The following FBXO4 variants were observed in gnomAD, a reference collection of about 807,000 sequenced individuals.
The protein encoded by FBXO4 is F-box protein 4.
A neutral mutation model predicts 43.7 loss-of-function variants in FBXO4; 36 were observed. The ratio of observed to expected loss-of-function variants is 0.82; its 90% CI spans 0.63 to 1.09. The LOEUF (loss-of-function observed/expected upper bound fraction) is 1.09. Ranked by LOEUF, FBXO4 falls within the 50% of genes least tolerant of loss-of-function variation. The pLI, the probability that FBXO4 is intolerant of heterozygous loss-of-function variation, is 0.00. For missense variants in FBXO4, 435 were observed against 474.1 expected (o/e 0.92, Z 0.77); for synonymous variants, 180 against 165.6 (o/e 1.09, Z -0.67).
chr5:41,990,975 TTCTA>T, the FBXO4 span, among the ~76,000 whole-genome samples: 1 of 152,224 alleles, frequency 6.6e-6, no homozygotes, highest in Non-Finnish European at 1.5e-5. Flanking sequence ...ATGAACTTTA[TTCTA>T]CCACATCTTA....
the FBXO4 span, among the ~76,000 whole-genome samples, chr5:41,959,755 AT>A: frequency 3.2e-3 from 493 of 152,234 alleles, 4 homozygotes; most frequent in African/African-American, 0.011. Context: ...GGCTGTTTTA[AT>A]TACTATAATT....
At chr5:41,972,712 G>A in the FBXO4 span, among the ~76,000 whole-genome samples, 5 of 152,056 alleles carry the variant, frequency 3.3e-5, no homozygotes, top group Non-Finnish European at 7.4e-5. Context: ...GTATGGTACT[G>A]GTAAGAAAAT....
the FBXO4 span, among the ~76,000 whole-genome samples, chr5:42,033,910 G>A: frequency 2.0e-5 from 3 of 152,122 alleles, no homozygotes; most frequent in Non-Finnish European, 2.9e-5. Context: ...GGTGTTTCTG[G>A]TTCTAGATCC....
At chr5:41,965,576 T>A in the FBXO4 span, among the ~76,000 whole-genome samples, 1 of 152,140 alleles carries the variant, frequency 6.6e-6, no homozygotes, top group African/African-American at 2.4e-5. Flanking sequence ...ATGCTCATCA[T>A]CACTGGACAT....
the FBXO4 span, among the ~76,000 whole-genome samples, chr5:42,030,405 T>G: frequency 1.3e-5 from 2 of 152,014 alleles, no homozygotes; most frequent in Non-Finnish European, 2.9e-5. Context: ...GCTAGCCATA[T>G]GTAGAAAGCT....
the FBXO4 span, among the ~76,000 whole-genome samples, chr5:41,959,421 T>C: frequency 6.6e-6 from 1 of 150,764 alleles, no homozygotes; most frequent in Non-Finnish European, 1.5e-5. Context: ...ATCTTCTTGT[T>C]GCCTGTGCTT....
the FBXO4 span, among the ~76,000 whole-genome samples, chr5:42,008,888 A>G: frequency 1.5e-4 from 23 of 152,280 alleles, 1 homozygote; most frequent in Middle Eastern, 6.8e-3. Context: ...GTCTTAGGCC[A>G]GGCAAGGGGT....
chr5:42,005,325 T>A, the FBXO4 span, among the ~76,000 whole-genome samples: 4 of 152,184 alleles, frequency 2.6e-5, no homozygotes, highest in Admixed American at 6.6e-5. Flanking sequence ...GTGATGGCTA[T>A]ACGTGCACAG....
intron 1 of FBXO4, among the ~76,000 whole-genome samples, chr5:41,926,566 G>C (rs1751508456): frequency 6.6e-6 from 1 of 152,160 alleles, no homozygotes; most frequent in Non-Finnish European, 1.5e-5. Flanking sequence ...GAGCGAGACT[G>C]TGTCTCAAAA....
At chr5:41,969,673 T>A in the FBXO4 span, among the ~76,000 whole-genome samples, 2 of 152,212 alleles carry the variant, frequency 1.3e-5, no homozygotes, top group Non-Finnish European at 2.9e-5. Context: ...TGTGTGTGGA[T>A]GTATTTAGGA....
At chr5:41,952,781 A>G in the FBXO4 span, among the ~76,000 whole-genome samples, 9 of 152,010 alleles carry the variant, frequency 5.9e-5, no homozygotes, top group Non-Finnish European at 1.3e-4. Context: ...TTTTGAGTTT[A>G]CTATTCTTTT....
chr5:41,962,577 GC>G, the FBXO4 span, among the ~76,000 whole-genome samples: 1 of 152,104 alleles, frequency 6.6e-6, no homozygotes, highest in East Asian at 1.9e-4. Context: ...TCGTTCTTAT[GC>G]CTTGCCCTTA....
chr5:41,944,697 A>AT (rs1170864376), downstream of FBXO4, among the ~76,000 whole-genome samples: 1 of 152,224 alleles, frequency 6.6e-6, no homozygotes, highest in Non-Finnish European at 1.5e-5. Context: ...CACTATATAT[A>AT]TGCCAGGTCT....
At chr5:41,979,583 C>G in the FBXO4 span, among the ~76,000 whole-genome samples, 1 of 152,170 alleles carries the variant, frequency 6.6e-6, no homozygotes, top group South Asian at 2.1e-4. Context: ...TTCAAACTAC[C>G]AACATGACAT....
the FBXO4 span, among the ~76,000 whole-genome samples, chr5:41,988,391 A>T: frequency 1.3e-5 from 2 of 152,154 alleles, no homozygotes; most frequent in African/African-American, 4.8e-5. Context: ...TGAAGGGTAT[A>T]CTTAAAAATG....
chr5:41,999,006 T>A, the FBXO4 span, among the ~76,000 whole-genome samples: 1 of 150,626 alleles, frequency 6.6e-6, no homozygotes, highest in Admixed American at 6.7e-5. Context: ...TTACGTTCCT[T>A]GGTTCACATA....
the FBXO4 span, among the ~76,000 whole-genome samples, chr5:41,993,187 T>A: frequency 8.5e-5 from 13 of 152,288 alleles, no homozygotes; most frequent in Admixed American, 2.0e-4. Flanking sequence ...GATAAGGCAA[T>A]GAACAAAATA....
the FBXO4 span, among the ~76,000 whole-genome samples, chr5:41,986,025 G>A: frequency 8.6e-5 from 13 of 151,998 alleles, no homozygotes; most frequent in African/African-American, 2.9e-4. Context: ...TAGAGTGAAA[G>A]GTTAGACATT....
chr5:41,974,698 T>G, the FBXO4 span, among the ~76,000 whole-genome samples: 2 of 152,220 alleles, frequency 1.3e-5, no homozygotes, highest in African/African-American at 4.8e-5. Context: ...TTAAAACATA[T>G]TAATCAAATT....
Sources: gnomAD v4.1 joint callset for allele counts (sites outside exome capture counted in the v4.1 genomes callset) on GRCh38, gnomAD v4.1.1 for gene constraint, MANE v1.5 for transcripts, NCBI Gene and HGNC (gene_info 2026-07-23, HGNC 2026-07-21) for gene names.